Variants in HECW1 observed in about 807,000 individuals in gnomAD.
HECW1 encodes the protein E3 ubiquitin-protein ligase HECW1.
HECW1 carries 61 observed loss-of-function variants against 182.3 expected under a neutral mutation model. That is an observed-to-expected ratio of 0.33 (90% confidence interval 0.27 to 0.41). HECW1 has a LOEUF of 0.41. Among genes scored for constraint, HECW1 ranks in the 10% least tolerant of loss-of-function variants. HECW1 has a pLI of 1.00. For synonymous variants in HECW1, 859 were observed against 832.6 expected (o/e 1.03, Z -0.55); for missense variants, 1,739 against 2,108.9 (o/e 0.82, Z 3.44).
chr7:43,523,631 C>T (rs1311987085), intron 24 of HECW1, among the ~76,000 whole-genome samples: 3 of 151,978 alleles, frequency 2.0e-5, no homozygotes, highest in Non-Finnish European at 4.4e-5. Context: ...AAGAGGGAAA[C>T]GCCATCTCGA....
At chr7:43,132,131 C>G (rs976644252) in intron 2 of HECW1, among the ~76,000 whole-genome samples, 12 of 152,204 alleles carry the variant, frequency 7.9e-5, no homozygotes, top group Admixed American at 6.5e-5. Flanking sequence ...ATTCTCTGTA[C>G]TGGGACTTTG....
chr7:43,403,131 T>C (rs2075483005), intron 7 of HECW1, among the ~76,000 whole-genome samples: 2 of 152,238 alleles, frequency 1.3e-5, no homozygotes, highest in African/African-American at 4.8e-5. Flanking sequence ...CATAAGTTCT[T>C]GGCTGAGGAC....
chr7:43,320,889 T>C lies in HECW1; in HGVS notation c.460+147T>C. ...AGATTTAAAGAGATCCTTAAAAAGA[T>C]GTTCAGTAGTAAGTGGTGAGGTCTA... On this transcript the variant is annotated intron_variant, in intron 5 of 29. Transcript: ENST00000395891. 3 of 673,428 alleles carry C rather than the reference T, an allele frequency of 4.5e-6. No individual in the cohort carries two copies. In the South Asian group the frequency reaches 5.3e-5, roughly 12 times the overall value. 41.7% of individuals were successfully genotyped at this position (673,428 alleles called of 1,614,324 possible). A position where few individuals can be genotyped will look rare whatever the true frequency, so the allele number is the denominator to read the frequency against.
At chr7:43,119,933 C>G (rs1785419601) in intron 2 of HECW1, among the ~76,000 whole-genome samples, 1 of 152,220 alleles carries the variant, frequency 6.6e-6, no homozygotes, top group Non-Finnish European at 1.5e-5. Flanking sequence ...CAGTCTGTTC[C>G]CTATACAGCA....
chr7:43,116,162 C>T (rs183904171), intron 2 of HECW1, among the ~76,000 whole-genome samples: 1 of 152,110 alleles, frequency 6.6e-6, no homozygotes, highest in Non-Finnish European at 1.5e-5. Flanking sequence ...GGCCTTCCAC[C>T]ACCCACCCTC....
chr7:43,457,077 C>T lies in HECW1; in HGVS notation c.2651+630C>T, dbSNP rs79039015. Among the ~76,000 whole-genome samples the T allele has an allele frequency of 5.9e-5, 9 of 152,262 alleles. No homozygotes were observed. In the East Asian group the frequency reaches 1.5e-3, roughly 26 times the overall value. On this transcript the variant is annotated intron_variant, in intron 13 of 29. Transcript: ENST00000395891. ...AATTATTTTGTTGAAAAACTAGGCC[C>T]TCTCTATTGAAATTGTAAAGATGTC...
At chr7:43,560,850 C>T (rs879507636) in intron 29 of HECW1, among the ~76,000 whole-genome samples, 7 of 152,088 alleles carry the variant, frequency 4.6e-5, no homozygotes, top group Non-Finnish European at 8.8e-5. Flanking sequence ...TTTAGAGTGC[C>T]CTTTTCTGTG....
chr7:43,531,269 C>A (rs746110689), intron 24 of HECW1, among the ~76,000 whole-genome samples: 8 of 152,194 alleles, frequency 5.3e-5, no homozygotes, highest in African/African-American at 1.7e-4. Context: ...GGATTTAACC[C>A]CGCCAGAGCC....
At chr7:43,396,733 G>T in intron 6 of HECW1, 81 bp from the exon 7 acceptor site, 1 of 935,510 alleles carries the variant, frequency 1.1e-6, no homozygotes, top group South Asian at 1.4e-5. Context: ...AAATCACTGT[G>T]AATAACCATG....
chr7:43,324,536 C>T (rs547631620), intron 5 of HECW1, among the ~76,000 whole-genome samples: 2 of 152,230 alleles, frequency 1.3e-5, no homozygotes, highest in Admixed American at 6.5e-5. Flanking sequence ...GGCTATCCTT[C>T]CCTAACACAT....
chr7:43,370,196 A>G (rs1054049900), intron 6 of HECW1, among the ~76,000 whole-genome samples: 8 of 152,242 alleles, frequency 5.3e-5, no homozygotes, highest in African/African-American at 1.7e-4. Context: ...AAATGGGCAA[A>G]ACACCTGGAT....
chr7:43,157,185 A>G (rs1562608499), intron 2 of HECW1, among the ~76,000 whole-genome samples: 1 of 152,228 alleles, frequency 6.6e-6, no homozygotes, highest in Non-Finnish European at 1.5e-5. Flanking sequence ...TCAAACATTT[A>G]TGGGACACAT....
intron 5 of HECW1, among the ~76,000 whole-genome samples, chr7:43,353,973 C>G (rs564783674): frequency 6.6e-6 from 1 of 152,160 alleles, no homozygotes; most frequent in Non-Finnish European, 1.5e-5. Flanking sequence ...GGCATGAGCC[C>G]TTAGCCAGTT....
At chr7:43,185,100 A>G (rs957775295) in intron 2 of HECW1, among the ~76,000 whole-genome samples, 7 of 152,056 alleles carry the variant, frequency 4.6e-5, no homozygotes, top group Non-Finnish European at 1.0e-4. Flanking sequence ...TGCAAACCCT[A>G]TCAATGCCCG....
At position 43,202,335 on chromosome 7, in the gene HECW1, TG is replaced by T. The variant is rs571147840; in HGVS notation, c.-31-41537del. Among the ~76,000 whole-genome samples, 585 of 152,314 alleles carry T rather than the reference TG, an allele frequency of 3.8e-3. 3 individuals carry two copies. The highest frequency in any genetic ancestry group is 0.013 in the African/African-American group (553 of 41,562). On this transcript the variant is annotated intron_variant, in intron 2 of 29. Coordinates refer to ENST00000395891, the MANE Select transcript of HECW1 (RefSeq NM_015052.5). ...TCAAAAAATTGTGTGTGCATATTTTTGGGCACTAAAAACATGACATCAATAA... is the reference window on the plus strand; with the variant it reads ...TCAAAAAATTGTGTGTGCATATTTTTGGCACTAAAAACATGACATCAATAA...
intron 2 of HECW1, among the ~76,000 whole-genome samples, chr7:43,157,742 G>A (rs1030338920): frequency 3.3e-5 from 5 of 152,190 alleles, no homozygotes; most frequent in East Asian, 1.9e-4. Context: ...TCTATTTTTT[G>A]TAGTGATGGG....
intron 24 of HECW1, among the ~76,000 whole-genome samples, chr7:43,536,359 A>C (rs1277838121): frequency 6.6e-6 from 1 of 151,750 alleles, no homozygotes; most frequent in Non-Finnish European, 1.5e-5. Flanking sequence ...AGAGAGAGAG[A>C]CTCTTCCCCC....
At chr7:43,526,893 G>A (rs2080778903) in intron 24 of HECW1, among the ~76,000 whole-genome samples, 1 of 152,160 alleles carries the variant, frequency 6.6e-6, no homozygotes. Flanking sequence ...CTACTCGGGA[G>A]ACTAAGGCGA....
intron 3 of HECW1, among the ~76,000 whole-genome samples, chr7:43,306,454 C>G (rs1159571989): frequency 6.6e-6 from 1 of 151,966 alleles, no homozygotes; most frequent in Non-Finnish European, 1.5e-5. Flanking sequence ...AAGCTGCAGG[C>G]ATCTTCTTGA....
Sources: gnomAD v4.1 joint callset for allele counts (sites outside exome capture counted in the v4.1 genomes callset) on GRCh38, gnomAD v4.1.1 for gene constraint, MANE v1.5 for transcripts, NCBI Gene and HGNC (gene_info 2026-07-23, HGNC 2026-07-21) for gene names.